ZNF277: variants seen among roughly 807,000 people sequenced by gnomAD.
The protein encoded by ZNF277 is zinc finger protein 277.
In ZNF277, 55 loss-of-function variants were observed where a neutral mutation model predicts 60.7. The observed-to-expected ratio is 0.91, with a 90% CI of 0.73 to 1.13. ZNF277 has a LOEUF of 1.13. Ranked by LOEUF, ZNF277 falls within the 50% of genes most tolerant of loss-of-function variation. The pLI is 0.00. For missense variants in ZNF277, 510 were observed against 523.0 expected (o/e 0.98, Z 0.24); for synonymous variants, 178 against 179.3 (o/e 0.99, Z 0.06).
At chr7:112,219,485 C>T (rs1276693214) in intron 1 of ZNF277, among the ~76,000 whole-genome samples, 3 of 152,140 alleles carry the variant, frequency 2.0e-5, no homozygotes, top group African/African-American at 7.2e-5. Context: ...TGTCCTTTCC[C>T]CCATTATGTA....
chr7:112,289,788 G>A (rs143279552), intron 2 of ZNF277, among the ~76,000 whole-genome samples: 3 of 151,856 alleles, frequency 2.0e-5, no homozygotes, highest in Non-Finnish European at 2.9e-5. Flanking sequence ...GCAGTGGCAC[G>A]ACCTTGGCTC....
chr7:112,286,861 G>GTT lies in ZNF277; in HGVS notation c.92-12_92-11insTT. ...TCTTTCTTTTTTTTTTTTTTTTTTT[G>GTT]GTCTATTCCAGACAGTAAGGATTGT... On this transcript the variant is annotated splice_polypyrimidine_tract_variant and intron_variant, in intron 1 of 11. Coordinates refer to ENST00000361822, the MANE Select transcript of ZNF277 (RefSeq NM_021994.3). 1.8e-6 allele frequency: 1 copy of GTT among 548,308 alleles called. No individual in the cohort carries two copies. Among genetic ancestry groups the GTT allele is most frequent in the Non-Finnish European group, 2.5e-6 (1 of 407,400 alleles). 34.0% of individuals were successfully genotyped at this position (548,308 alleles called of 1,614,324 possible). A position where few individuals can be genotyped will look rare whatever the true frequency, so the allele number is the denominator to read the frequency against.
intron 1 of ZNF277, among the ~76,000 whole-genome samples, chr7:112,215,992 C>T (rs1197012059): frequency 6.6e-6 from 1 of 152,178 alleles, no homozygotes; most frequent in Non-Finnish European, 1.5e-5. Flanking sequence ...GAAACTGTTG[C>T]TGAACTGTAA....
At chr7:112,335,488 C>A (rs1793311639) in intron 7 of ZNF277, among the ~76,000 whole-genome samples, 1 of 152,232 alleles carries the variant, frequency 6.6e-6, no homozygotes, top group African/African-American at 2.4e-5. Flanking sequence ...AAGAGTGGAA[C>A]TTTTCCACTG....
chr7:112,294,113 G>A (rs1385690744), intron 2 of ZNF277, among the ~76,000 whole-genome samples: 1 of 152,132 alleles, frequency 6.6e-6, no homozygotes, highest in Non-Finnish European at 1.5e-5. Flanking sequence ...GTGCTTGGGG[G>A]AGAATAAGAA....
intron 1 of ZNF277, among the ~76,000 whole-genome samples, 179 bp downstream of exon 1, chr7:112,206,986 G>A (rs573466026): frequency 1.1e-4 from 17 of 152,346 alleles, no homozygotes; most frequent in African/African-American, 4.1e-4. Flanking sequence ...CTACTTGGTT[G>A]GGGCTGCCCG....
At chr7:112,270,446 T>C (rs887483958) in intron 1 of ZNF277, among the ~76,000 whole-genome samples, 5 of 152,126 alleles carry the variant, frequency 3.3e-5, no homozygotes, top group African/African-American at 1.2e-4. Flanking sequence ...CTGTATGTAT[T>C]GCTGAGGCTT....
chr7:112,277,113 T>TC (rs1312998183), intron 1 of ZNF277, among the ~76,000 whole-genome samples: 1 of 134,940 alleles, frequency 7.4e-6, no homozygotes, highest in Non-Finnish European at 1.5e-5. Flanking sequence ...AGACAGAGTC[T>TC]CCCTCTGTCG....
intron 1 of ZNF277, among the ~76,000 whole-genome samples, chr7:112,264,883 G>A (rs186791507): frequency 3.3e-5 from 5 of 152,272 alleles, no homozygotes; most frequent in Admixed American, 1.3e-4. Flanking sequence ...ACGCTCATCT[G>A]AGCCTTCAGT....
At chr7:112,259,996 G>A (rs1283712297) in intron 1 of ZNF277, among the ~76,000 whole-genome samples, 1 of 152,252 alleles carries the variant, frequency 6.6e-6, no homozygotes, top group Non-Finnish European at 1.5e-5. Context: ...AGGCAGCACA[G>A]TGGCTCACGC....
rs145323312 is a variant in ZNF277, at chr7:112,313,912, C to T, written c.466-4270C>T. Among the ~76,000 whole-genome samples the T allele has an allele frequency of 5.9e-5, 9 of 152,082 alleles. No homozygotes were observed. In the East Asian group the frequency reaches 1.5e-3, roughly 26 times the overall value. On this transcript the variant is annotated intron_variant, in intron 4 of 11. Coordinates refer to ENST00000361822, the MANE Select transcript of ZNF277 (RefSeq NM_021994.3). ...TTGTAGTGTGTATGTTGTTGCACCT[C>T]GGGTATAAATGTAGTCATCATGTAT...
At position 112,240,478 on chromosome 7, in the gene ZNF277, G is replaced by A. The variant is rs762520186; in HGVS notation, c.91+33671G>A. ...GCTTGAGGTGTTGGATATCCCATTT[G>A]CCCTGATGTCACCATTACACATTGC... On this transcript the variant is annotated intron_variant, in intron 1 of 11. Transcript: ENST00000361822. Among the ~76,000 whole-genome samples the A allele has an allele frequency of 5.5e-4, 83 of 152,036 alleles. 1 individual carries two copies. The highest frequency in any genetic ancestry group is 2.2e-4 in the Non-Finnish European group (15 of 67,990).
intron 4 of ZNF277, among the ~76,000 whole-genome samples, chr7:112,296,830 A>G (rs1473235792): frequency 2.0e-5 from 3 of 150,876 alleles, no homozygotes; most frequent in South Asian, 4.2e-4. Flanking sequence ...GCCTTTAAAA[A>G]AGATAACAGC....
chr7:112,342,570 T>C lies in ZNF277; in HGVS notation c.1194T>C (p.Phe398=). The change falls in exon 12 of 12, where the codon TTT becomes TTC. Residue 398 remains phenylalanine, a synonymous_variant. Transcript: ENST00000361822. ...RKTWDQLEYY[F]PTYENDTLLC... is the part of the protein sequence containing the mutation. ...CTGTGGTTGTTTTCAGGTATTATTT[T>C]CCAACCTATGAAAATGACACTCTCC... is the stretch of plus-strand genomic sequence containing the variant. 1 of 1,605,190 alleles carries C rather than the reference T, an allele frequency of 6.2e-7. No homozygotes were observed. The highest frequency in any genetic ancestry group is 1.1e-5 in the South Asian group (1 of 89,506).
chr7:112,300,079 T>G (rs1382409450), intron 4 of ZNF277, among the ~76,000 whole-genome samples: 1 of 152,212 alleles, frequency 6.6e-6, no homozygotes, highest in Non-Finnish European at 1.5e-5. Context: ...AACCTCATTT[T>G]AAACAAACAG....
chr7:112,308,516 T>TAAA (rs142550606), intron 4 of ZNF277, among the ~76,000 whole-genome samples: 3 of 151,044 alleles, frequency 2.0e-5, no homozygotes, highest in African/African-American at 7.3e-5. Flanking sequence ...GATTATGTCT[T>TAAA]AAAAAAAAAT....
intron 5 of ZNF277, among the ~76,000 whole-genome samples, chr7:112,324,507 G>A (rs1332608519): frequency 6.6e-6 from 1 of 152,108 alleles, no homozygotes; most frequent in Non-Finnish European, 1.5e-5. Context: ...GGCTGATCAA[G>A]AATTAAAGGA....
chr7:112,334,874 G>A (rs1016646483), intron 7 of ZNF277, among the ~76,000 whole-genome samples: 1 of 152,134 alleles, frequency 6.6e-6, no homozygotes, highest in Admixed American at 6.6e-5. Flanking sequence ...CTTGTTGGCA[G>A]TGTTGAGGCC....
chr7:112,238,599 C>A (rs988594644), intron 1 of ZNF277, among the ~76,000 whole-genome samples: 1 of 152,030 alleles, frequency 6.6e-6, no homozygotes, highest in Non-Finnish European at 1.5e-5. Context: ...GTTCGCGTCA[C>A]CCCACCCCAA....
Sources: allele counts gnomAD v4.1 joint callset (sites outside exome capture counted in the v4.1 genomes callset), GRCh38; gene constraint gnomAD v4.1.1; transcripts MANE v1.5; gene names NCBI Gene and HGNC (gene_info 2026-07-23, HGNC 2026-07-21).